AGTRAP: variants seen among roughly 807,000 people sequenced by gnomAD.
AGTRAP encodes the protein type-1 angiotensin II receptor-associated protein.
AGTRAP carries 7 observed loss-of-function variants against 15.2 expected under a neutral mutation model. The observed-to-expected ratio is 0.46, with a 90% CI of 0.26 to 0.87. The LOEUF (loss-of-function observed/expected upper bound fraction) is 0.87. Among genes scored for constraint, AGTRAP ranks in the 40% least tolerant of loss-of-function variants. The probability of loss-of-function intolerance (pLI) is 0.15; values close to 1 mark genes in which losing one functional copy is unlikely to be tolerated. For missense variants in AGTRAP, 187 were observed against 213.4 expected (o/e 0.88, Z 0.77); for synonymous variants, 74 against 89.6 (o/e 0.83, Z 0.98).
At position 11,736,166 on chromosome 1, in the gene AGTRAP, GC is replaced by G. The variant is rs537990391; in HGVS notation, c.-37del. On this transcript the variant is annotated 5_prime_UTR_variant, in exon 1 of 5. Transcript: ENST00000314340. ...TGTTCCCCGAGTTCGGAGCCTAGGA[GC>G]CCCCCGCGGCTGCGGCGCAGGTGCC... The G allele has an allele frequency of 6.9e-5, 110 of 1,584,814 alleles. No homozygotes were observed. In the South Asian group the frequency reaches 1.1e-3, roughly 16 times the overall value.
In AGTRAP at chr1:11,745,332, C is replaced by T. The variant is rs1167082170; in HGVS notation, c.28-471C>T. On this transcript the variant is annotated intron_variant, in intron 1 of 4. Coordinates refer to ENST00000314340, the MANE Select transcript of AGTRAP (RefSeq NM_020350.5). The surrounding 1 kb of genome is among the most constrained non-coding windows in gnomAD (Gnocchi z 4.2). ...GACAACCAGAGGTTACTCTCGTGGC[C>T]ATCTTGATTTGGGTGGGTTTTAGCC... 6.6e-6 allele frequency among the ~76,000 whole-genome samples: 1 copy of T among 152,154 alleles called. No homozygotes were observed. The highest frequency in any genetic ancestry group is 2.4e-5 in the African/African-American group (1 of 41,426).
chr1:11,748,274 C>T, intron 3 of AGTRAP, 141 bp from the exon 4 acceptor site: 2 of 946,336 alleles, frequency 2.1e-6, no homozygotes, highest in Non-Finnish European at 3.1e-6. Context: ...CCCAGCGGGG[C>T]CCTGCCTGCT....
rs1352734072 is a variant in AGTRAP at position 11,745,981 on chromosome 1, A to G, written c.62+144A>G. ...TCTCCGGGTCTTGATTTCCGTCTGT[A>G]CAATAGGCATAAGGATTGCACACCC... On this transcript the variant is annotated intron_variant, in intron 2 of 4. Transcript: ENST00000314340. This position sits in a 1 kb window ranked among gnomAD's most constrained non-coding sequence, Gnocchi z 4.2. The G allele has an allele frequency of 7.4e-7, 1 of 1,349,094 alleles. No individual in the cohort carries two copies. The highest frequency in any genetic ancestry group is 1.1e-6 in the Non-Finnish European group (1 of 940,918). 83.6% of individuals were successfully genotyped at this position (1,349,094 alleles called of 1,614,324 possible).
chr1:11,750,093 T>C lies in AGTRAP; in HGVS notation c.381T>C (p.Ser127=). Residue 127 remains serine (S), a synonymous_variant, in exon 5 of 5, where the codon TCT becomes TCC. Coordinates refer to ENST00000314340, the MANE Select transcript of AGTRAP (RefSeq NM_020350.5). ...GTCACCTAGGTTTCCTTGGGTCTTC[T>C]CAGGACCGTAGTGCCTACCAGACGA... is the stretch of plus-strand genomic sequence containing the variant. The part of the protein sequence containing the change: ...LLVHTGFLGS[S]QDRSAYQTID... 1 of 1,614,032 alleles carries C rather than the reference T, an allele frequency of 6.2e-7. No individual in the cohort carries two copies. Among genetic ancestry groups the C allele is most frequent in the Non-Finnish European group, 8.5e-7 (1 of 1,179,990 alleles).
Position 11,745,217 on chromosome 1 carries a change from C to T in AGTRAP, c.28-586C>T, listed in dbSNP as rs1642131372. Among the ~76,000 whole-genome samples the T allele has an allele frequency of 6.6e-6, 1 of 152,172 alleles. No individual in the cohort carries two copies. Among genetic ancestry groups the T allele is most frequent in the African/African-American group, 2.4e-5 (1 of 41,442 alleles). On this transcript the variant is annotated intron_variant, in intron 1 of 4. Coordinates refer to ENST00000314340, the MANE Select transcript of AGTRAP (RefSeq NM_020350.5). This position sits in a 1 kb window ranked among gnomAD's most constrained non-coding sequence, Gnocchi z 4.2. ...CTAACCAAGGGGTGGATTATTCATGCCTCCCCTTTTTAGACAATATAGGGT... is the reference window on the plus strand; with the variant it reads ...CTAACCAAGGGGTGGATTATTCATGTCTCCCCTTTTTAGACAATATAGGGT...
rs1288944766 is a variant in AGTRAP at position 11,745,553 on chromosome 1, G to A, written c.28-250G>A. 6.6e-6 allele frequency among the ~76,000 whole-genome samples: 1 copy of A among 152,192 alleles called. No homozygotes were observed. The highest frequency in any genetic ancestry group is 6.5e-5 in the Admixed American group (1 of 15,280). Reference sequence around the variant, plus strand: ...CATACGCCTCTGACGCTTGGAAGGGGTGTGGGTGTCAGCTGCCCCATGGGA... The same window carrying A: ...CATACGCCTCTGACGCTTGGAAGGGATGTGGGTGTCAGCTGCCCCATGGGA... On this transcript the variant is annotated intron_variant, in intron 1 of 4. Coordinates refer to ENST00000314340, the MANE Select transcript of AGTRAP (RefSeq NM_020350.5). The surrounding 1 kb of genome is among the most constrained non-coding windows in gnomAD (Gnocchi z 4.2).
rs1256023611 is a variant in AGTRAP, at chr1:11,745,879, CAG to C, written c.62+43_62+44del. 1.9e-6 allele frequency: 3 copies of C among 1,612,982 alleles called. No homozygotes were observed. Among genetic ancestry groups the C allele is most frequent in the Non-Finnish European group, 2.5e-6 (3 of 1,179,096 alleles). On this transcript the variant is annotated intron_variant, in intron 2 of 4. Transcript: ENST00000314340. This position sits in a 1 kb window ranked among gnomAD's most constrained non-coding sequence, Gnocchi z 4.2. Reference sequence around the variant, plus strand: ...GTATCTTGTGTGTCTCCTGCGGTCTCAGGGTCTGTGTCAGCCGGGTCAGGTCC... The same window carrying C: ...GTATCTTGTGTGTCTCCTGCGGTCTCGGTCTGTGTCAGCCGGGTCAGGTCC...
rs1557704135 is a variant in AGTRAP, at chr1:11,745,876, T to C, written c.62+39T>C. On this transcript the variant is annotated intron_variant, in intron 2 of 4. Coordinates refer to ENST00000314340, the MANE Select transcript of AGTRAP (RefSeq NM_020350.5). The surrounding 1 kb of genome is among the most constrained non-coding windows in gnomAD (Gnocchi z 4.2). ...TGGGTATCTTGTGTGTCTCCTGCGG[T>C]CTCAGGGTCTGTGTCAGCCGGGTCA... The C allele has an allele frequency of 6.2e-7, 1 of 1,613,250 alleles. No individual in the cohort carries two copies.
Position 11,745,785 on chromosome 1 carries a change from C to T in AGTRAP, c.28-18C>T. The stretch of plus-strand genomic sequence containing the variant: ...GTCATGTTCACAGACCTCTTCTCTC[C>T]CCCTTGTTGTGCCACAGGTGATTCT... On this transcript the variant is annotated intron_variant, in intron 1 of 4. Transcript: ENST00000314340. This position sits in a 1 kb window ranked among gnomAD's most constrained non-coding sequence, Gnocchi z 4.2. The T allele has an allele frequency of 2.5e-6, 4 of 1,614,102 alleles. No individual in the cohort carries two copies. The highest frequency in any genetic ancestry group is 3.4e-6 in the Non-Finnish European group (4 of 1,179,972).
chr1:11,746,426 C>A (rs923718475), intron 2 of AGTRAP: 4 of 553,742 alleles, frequency 7.2e-6, no homozygotes, highest in Non-Finnish European at 1.3e-5. Context: ...CTGCCTTGCA[C>A]ATGTCTTCTG....
At chr1:11,743,144 TTGCC>T (rs1642072880) in intron 1 of AGTRAP, among the ~76,000 whole-genome samples, 2 of 152,142 alleles carry the variant, frequency 1.3e-5, no homozygotes, top group South Asian at 4.1e-4. Flanking sequence ...TGGCCCCACT[TTGCC>T]TGGCCGAGCC....
chr1:11,737,157 TTA>T (rs1641920833), intron 1 of AGTRAP, among the ~76,000 whole-genome samples: 1 of 152,200 alleles, frequency 6.6e-6, no homozygotes, highest in Non-Finnish European at 1.5e-5. Context: ...TTAATACACT[TTA>T]TTATTACACA....
In AGTRAP at chr1:11,745,680, C is replaced by T. The variant is rs2100773662; in HGVS notation, c.28-123C>T. On this transcript the variant is annotated intron_variant, in intron 1 of 4. Transcript: ENST00000314340. The surrounding 1 kb of genome is among the most constrained non-coding windows in gnomAD (Gnocchi z 4.2). ...GTTGCTGGTGTGCCTTTTCAACAGA[C>T]ATTACTGAGGCCCTCAGAGGTGCCA... The T allele has an allele frequency of 9.7e-7, 1 of 1,031,882 alleles. No individual in the cohort carries two copies. Among genetic ancestry groups the T allele is most frequent in the Admixed American group, 1.8e-5 (1 of 56,848 alleles). The allele number at this position is 1,031,882 out of a possible 1,614,324, so 63.9% of individuals were successfully genotyped here.
rs556947270 is a variant in AGTRAP, at chr1:11,740,565, T to G, written c.27+4330T>G. On this transcript the variant is annotated intron_variant, in intron 1 of 4. Transcript: ENST00000314340. ...CAGAGGTGTGGGCCCAGCTGGGTGCTCACTCTGTATTACAGGCCCTTCCAG... is the reference window on the plus strand; with the variant it reads ...CAGAGGTGTGGGCCCAGCTGGGTGCGCACTCTGTATTACAGGCCCTTCCAG... 7.4e-4 allele frequency among the ~76,000 whole-genome samples: 113 copies of G among 151,758 alleles called. 1 individual carries two copies. In the South Asian group the frequency reaches 0.023, roughly 31 times the overall value.
rs569191206 is a variant in AGTRAP, at chr1:11,747,975, G to T, written c.168+430G>T. 4.6e-5 allele frequency among the ~76,000 whole-genome samples: 7 copies of T among 152,306 alleles called. 1 individual carries two copies. In the South Asian group the frequency reaches 1.2e-3, roughly 27 times the overall value. ...CCTGCCCCACCGAAACCTCCCACAG[G>T]GGGAGCTTCTCAGCACCCACGGAGC... On this transcript the variant is annotated intron_variant, in intron 3 of 4. Coordinates refer to ENST00000314340, the MANE Select transcript of AGTRAP (RefSeq NM_020350.5).
chr1:11,746,067 A>C (rs757956526), intron 2 of AGTRAP: 6 of 1,539,916 alleles, frequency 3.9e-6, no homozygotes, highest in Non-Finnish European at 4.5e-6. Context: ...CCTGCCCCAC[A>C]GTGAGGCCTC....
intron 1 of AGTRAP, among the ~76,000 whole-genome samples, chr1:11,737,336 C>G (rs976953293): frequency 1.3e-5 from 2 of 152,116 alleles, no homozygotes; most frequent in South Asian, 2.1e-4. Flanking sequence ...TGACAGCAGC[C>G]GAGGCTTGTT....
intron 1 of AGTRAP, among the ~76,000 whole-genome samples, chr1:11,736,553 C>A (rs1049672767): frequency 6.6e-6 from 1 of 152,182 alleles, no homozygotes; most frequent in African/African-American, 2.4e-5. Flanking sequence ...GCCCAGAATT[C>A]CCCTGGAGGA....
chr1:11,748,176 G>T (rs1642217147), intron 3 of AGTRAP, among the ~76,000 whole-genome samples: 1 of 152,218 alleles, frequency 6.6e-6, no homozygotes, highest in Non-Finnish European at 1.5e-5. Flanking sequence ...GAGATGACGG[G>T]AAATGGGTGG....
Sources: allele counts gnomAD v4.1 joint callset (sites outside exome capture counted in the v4.1 genomes callset), GRCh38; gene constraint gnomAD v4.1.1; non-coding constraint Gnocchi (gnomAD v3.1); transcripts MANE v1.5; gene names NCBI Gene and HGNC (gene_info 2026-07-23, HGNC 2026-07-21).